The following ORC4 variants were observed in gnomAD, a reference collection of about 807,000 sequenced individuals.
ORC4 encodes origin recognition complex, subunit 4 homolog.
ORC4 carries 55 observed loss-of-function variants against 63.9 expected under a neutral mutation model. The observed-to-expected ratio is 0.86, with a 90% confidence interval of 0.69 to 1.08. The LOEUF (loss-of-function observed/expected upper bound fraction) is 1.08, where lower values mean the gene tolerates loss of function less well. ORC4 is among the 50% of genes least tolerant of loss of function. The pLI is 0.00. For missense variants in ORC4, 511 were observed against 504.4 expected (o/e 1.01, Z -0.13); for synonymous variants, 150 against 168.5 (o/e 0.89, Z 0.85).
intron 1 of ORC4, among the ~76,000 whole-genome samples, chr2:147,977,634 T>C (rs1414219581): frequency 6.6e-6 from 1 of 152,178 alleles, no homozygotes; most frequent in Non-Finnish European, 1.5e-5. Context: ...GCTTCAGACT[T>C]GGAAAGGGCC....
intron 1 of ORC4, among the ~76,000 whole-genome samples, chr2:147,986,896 C>T (rs1691235106): frequency 6.6e-6 from 1 of 150,814 alleles, no homozygotes; most frequent in Non-Finnish European, 1.5e-5. Context: ...AAACATAAGT[C>T]GTTACACAGT....
intron 9 of ORC4, 85 bp from the exon 10 acceptor site, chr2:147,943,607 T>C (rs1214332788): frequency 2.6e-6 from 2 of 754,898 alleles, no homozygotes; most frequent in East Asian, 2.6e-5. Context: ...TACTGGTTGG[T>C]GTACCTTAGT....
chr2:147,990,517 G>A (rs1215914578), intron 1 of ORC4, among the ~76,000 whole-genome samples: 6 of 152,164 alleles, frequency 3.9e-5, no homozygotes, highest in Non-Finnish European at 8.8e-5. Context: ...AGTAAACTCT[G>A]TTAGTTCTTC....
At chr2:147,969,852 T>C (rs1558850599) in intron 4 of ORC4, among the ~76,000 whole-genome samples, 1 of 151,940 alleles carries the variant, frequency 6.6e-6, no homozygotes, top group Admixed American at 6.6e-5. Context: ...ACATAGTCTA[T>C]GAATAACTAA....
chr2:147,943,813 A>T (rs552095666), intron 9 of ORC4, among the ~76,000 whole-genome samples: 2 of 152,268 alleles, frequency 1.3e-5, no homozygotes, highest in South Asian at 2.1e-4. Context: ...CAGTCATACT[A>T]GTGAAATGAA....
chr2:147,951,541 C>T (rs1321861085), intron 8 of ORC4: 1 of 152,216 alleles, frequency 6.6e-6, no homozygotes, highest in Non-Finnish European at 1.5e-5. Context: ...CGTTTTTGCA[C>T]ATTTCGGTTC....
chr2:147,962,653 A>G (rs1016435103), intron 4 of ORC4, among the ~76,000 whole-genome samples: 2 of 152,026 alleles, frequency 1.3e-5, no homozygotes, highest in Non-Finnish European at 2.9e-5. Context: ...GCAAACTCTC[A>G]CTTGAGGTGA....
At chr2:147,962,738 T>C (rs1689670624) in intron 4 of ORC4, among the ~76,000 whole-genome samples, 1 of 152,042 alleles carries the variant, frequency 6.6e-6, no homozygotes, top group South Asian at 2.1e-4. Flanking sequence ...CCCCTTGCAC[T>C]GGCAGAGCGG....
intron 4 of ORC4, among the ~76,000 whole-genome samples, chr2:147,959,226 A>C (rs1689439539): frequency 6.6e-6 from 1 of 152,034 alleles, no homozygotes; most frequent in Non-Finnish European, 1.5e-5. Flanking sequence ...TCTGACAATT[A>C]CTCTACTAAA....
At chr2:148,020,412 A>AGGATTCCTC (rs1252714395) in intron 1 of ORC4, among the ~76,000 whole-genome samples, 1 of 152,242 alleles carries the variant, frequency 6.6e-6, no homozygotes, top group Non-Finnish European at 1.5e-5. Flanking sequence ...GCACTTGTCA[A>AGGATTCCTC]GGATTCCTCG....
intron 4 of ORC4, among the ~76,000 whole-genome samples, chr2:147,960,756 G>A (rs1487360325): frequency 6.6e-6 from 1 of 152,126 alleles, no homozygotes; most frequent in Non-Finnish European, 1.5e-5. Flanking sequence ...CGGTACAGTG[G>A]GTCACACCTG....
chr2:147,937,201 T>C (rs909612914), intron 13 of ORC4, among the ~76,000 whole-genome samples: 1 of 152,066 alleles, frequency 6.6e-6, no homozygotes, highest in African/African-American at 2.4e-5. Context: ...AAATTCTGGT[T>C]ACTAGGGCCT....
chr2:147,996,980 T>G (rs1692012286), intron 1 of ORC4, among the ~76,000 whole-genome samples: 1 of 152,196 alleles, frequency 6.6e-6, no homozygotes, highest in South Asian at 2.1e-4. Flanking sequence ...TATTTATAAT[T>G]GCCAAAACTT....
chr2:147,950,658 G>A (rs1259724206), intron 8 of ORC4, among the ~76,000 whole-genome samples: 2 of 152,018 alleles, frequency 1.3e-5, no homozygotes, highest in South Asian at 2.1e-4. Context: ...CCAGCTACTC[G>A]GGAGGCTAAG....
intron 3 of ORC4, 113 bp from the exon 4 acceptor site, chr2:147,972,942 C>A: frequency 1.4e-6 from 1 of 691,830 alleles, no homozygotes; most frequent in Non-Finnish European, 2.6e-6. Flanking sequence ...CTCTTCTCTC[C>A]CTCTGGGTAC....
chr2:148,002,035 T>C (rs1692344166), intron 1 of ORC4, among the ~76,000 whole-genome samples: 1 of 151,920 alleles, frequency 6.6e-6, no homozygotes, highest in Admixed American at 6.6e-5. Flanking sequence ...AATGACAAAG[T>C]TATCAATGCA....
chr2:147,998,538 G>A (rs917080508), intron 1 of ORC4, among the ~76,000 whole-genome samples: 1 of 152,156 alleles, frequency 6.6e-6, no homozygotes, highest in Non-Finnish European at 1.5e-5. Context: ...TCCTCTCTTT[G>A]AATGTTTCTT....
intron 1 of ORC4, among the ~76,000 whole-genome samples, chr2:147,976,960 A>G (rs1292087734): frequency 6.6e-6 from 1 of 152,194 alleles, no homozygotes; most frequent in African/African-American, 2.4e-5. Context: ...AAGACCTTTG[A>G]CTAAAAGACC....
intron 1 of ORC4, among the ~76,000 whole-genome samples, chr2:147,984,505 C>A (rs1344228569): frequency 2.0e-5 from 3 of 152,036 alleles, no homozygotes; most frequent in Admixed American, 6.6e-5. Context: ...AAGTTATATG[C>A]AGATTTTCAA....
Sources: gnomAD v4.1 joint callset for allele counts (sites outside exome capture counted in the v4.1 genomes callset) on GRCh38, gnomAD v4.1.1 for gene constraint, MANE v1.5 for transcripts, NCBI Gene and HGNC (gene_info 2026-07-23, HGNC 2026-07-21) for gene names.